BRD4: variants seen among roughly 807,000 people sequenced by gnomAD.
BRD4 encodes the protein bromodomain-containing protein 4.
Under a neutral mutation model 142.1 loss-of-function variants are expected in BRD4, and 16 were observed. That is an observed-to-expected ratio of 0.11 (90% confidence interval 0.08 to 0.17). The LOEUF (loss-of-function observed/expected upper bound fraction) is 0.17, where lower values mean the gene tolerates loss of function less well. Among genes scored for constraint, BRD4 ranks in the 10% least tolerant of loss-of-function variants. The pLI is 1.00. For synonymous variants in BRD4, 833 were observed against 707.5 expected, an observed-to-expected ratio of 1.18 and a Z score of -2.82; for missense variants, 1,424 against 1,810.9, an observed-to-expected ratio of 0.79 and a Z score of 3.88.
Position 15,237,250 on chromosome 19 carries a change from G to GC in BRD4, c.*1126_*1127insG, listed in dbSNP as rs1555734337. On this transcript the variant is annotated 3_prime_UTR_variant, in exon 20 of 20. Transcript: ENST00000679869. ...CAAAAAAGCCAACAAATGGGTGGGGGGGGGGGGGGTGGAGGGGAAAGAAAA... is the reference window on the plus strand; with the variant it reads ...CAAAAAAGCCAACAAATGGGTGGGGGCGGGGGGGGGTGGAGGGGAAAGAAAA... 3.3e-5 allele frequency: 4 copies of GC among 122,406 alleles called. No individual in the cohort carries two copies. The East Asian group carries it at 5.1e-4, about 16-fold the overall frequency. 7.6% of individuals were successfully genotyped at this position (122,406 alleles called of 1,614,324 possible).
At chr19:15,267,275 C>A (rs995849738) in intron 4 of BRD4, 141 bp downstream of exon 4, 4 of 1,133,626 alleles carry the variant, frequency 3.5e-6, no homozygotes, top group African/African-American at 1.6e-5. Context: ...AACACCAAAC[C>A]CAATCTCACA....
intron 11 of BRD4, chr19:15,248,362 A>G: frequency 9.3e-6 from 2 of 215,304 alleles, no homozygotes. Flanking sequence ...TCCATGGGGC[A>G]GTCCCTGAGG....
intron 1 of BRD4, among the ~76,000 whole-genome samples, chr19:15,294,744 C>T (rs531902381): frequency 2.0e-5 from 3 of 152,252 alleles, no homozygotes; most frequent in African/African-American, 4.8e-5. Flanking sequence ...TGAACAGAAT[C>T]GCTATCTCCT....
At chr19:15,302,614 A>G (rs985067613) in intron 1 of BRD4, among the ~76,000 whole-genome samples, 4 of 125,896 alleles carry the variant, frequency 3.2e-5, no homozygotes, top group Non-Finnish European at 6.3e-5. Context: ...AGTTGCAGTG[A>G]GCTGAGATCG....
At chr19:15,298,698 GAA>G (rs1307773596) in intron 1 of BRD4, among the ~76,000 whole-genome samples, 1 of 137,932 alleles carries the variant, frequency 7.2e-6, no homozygotes, top group African/African-American at 2.7e-5. Flanking sequence ...ACCCCACCCT[GAA>G]AAAGAGATGA....
At chr19:15,308,825 C>T (rs890378265) in intron 1 of BRD4, among the ~76,000 whole-genome samples, 3 of 147,454 alleles carry the variant, frequency 2.0e-5, no homozygotes, top group African/African-American at 7.6e-5. Flanking sequence ...ACCAGCCTGC[C>T]CAGCATGGTG....
intron 1 of BRD4, among the ~76,000 whole-genome samples, chr19:15,322,860 C>A (rs1207725146): frequency 4.0e-5 from 5 of 124,266 alleles, no homozygotes; most frequent in Non-Finnish European, 6.5e-5. Context: ...GAGAGAGACT[C>A]TGTCTCCAAA....
At chr19:15,289,948 C>T (rs1470527381) in intron 1 of BRD4, among the ~76,000 whole-genome samples, 4 of 152,198 alleles carry the variant, frequency 2.6e-5, no homozygotes, top group East Asian at 1.9e-4. Context: ...GGCTTTCCAA[C>T]GAAGCAGCCT....
intron 11 of BRD4, 171 bp from the exon 12 acceptor site, chr19:15,244,933 A>C: frequency 8.3e-7 from 1 of 1,208,162 alleles, no homozygotes; most frequent in South Asian, 1.5e-5. Flanking sequence ...AGAGGGAGAG[A>C]CATGCGAGGC....
chr19:15,268,841 C>T (rs1378401146), intron 3 of BRD4, 64 bp downstream of exon 3: 5 of 1,586,590 alleles, frequency 3.2e-6, no homozygotes, highest in East Asian at 4.5e-5. Flanking sequence ...TCCTGACATG[C>T]CCACTGCCGT....
At chr19:15,291,546 T>A (rs1313887451) in intron 1 of BRD4, among the ~76,000 whole-genome samples, 1 of 152,222 alleles carries the variant, frequency 6.6e-6, no homozygotes, top group Non-Finnish European at 1.5e-5. Flanking sequence ...TAATCTCTTC[T>A]CATTGCCTCC....
intron 4 of BRD4, among the ~76,000 whole-genome samples, chr19:15,266,141 C>G (rs770772711): frequency 2.4e-4 from 37 of 152,222 alleles, no homozygotes; most frequent in Non-Finnish European, 2.4e-4. Context: ...TCATGACTGG[C>G]TCGAGCGCTG....
chr19:15,239,183 A>T lies in BRD4; in HGVS notation c.3658T>A (p.Ser1220Thr). Residue 1220 changes from serine (S) to threonine (T), a missense_variant, in exon 18 of 20, where the codon TCC becomes ACC. Around this residue, in one of 16 missense-constraint regions of BRD4, gnomAD observed 49 missense variants for 97.3 expected, o/e 0.50. Transcript: ENST00000679869. This position sits in a 1 kb window ranked among gnomAD's most constrained non-coding sequence, Gnocchi z 7.4. ...CGGAACTGCTCGAAGCTGTCGCTGG[A>T]TGACTTGGCTGTGGAGGAGGGGGTG... ...PTTPSSTAKSSSDSFEQFRRA... is the reference protein window; with the variant it reads ...PTTPSSTAKSTSDSFEQFRRA... The T allele has an allele frequency of 2.5e-6, 4 of 1,613,244 alleles. No individual in the cohort carries two copies. Among genetic ancestry groups the T allele is most frequent in the Non-Finnish European group, 3.4e-6 (4 of 1,180,018 alleles).
intron 1 of BRD4, among the ~76,000 whole-genome samples, chr19:15,284,940 C>A (rs1025241653): frequency 4.6e-5 from 7 of 152,238 alleles, no homozygotes; most frequent in African/African-American, 1.4e-4. Context: ...CCAACTCTTA[C>A]ACTGACAGGC....
chr19:15,257,776 C>T (rs1568385071), intron 7 of BRD4, among the ~76,000 whole-genome samples: 1 of 152,198 alleles, frequency 6.6e-6, no homozygotes, highest in South Asian at 2.1e-4. Context: ...CTGGAGGAGG[C>T]ATCTCCAGCA....
intron 11 of BRD4, among the ~76,000 whole-genome samples, chr19:15,246,237 G>A (rs374197701): frequency 2.0e-5 from 3 of 152,198 alleles, no homozygotes; most frequent in East Asian, 3.9e-4. Context: ...AGCTTGAGTA[G>A]ATTTGCAGTG....
intron 5 of BRD4, 61 bp downstream of exon 5, chr19:15,265,293 G>T: frequency 7.1e-7 from 1 of 1,413,220 alleles, no homozygotes; most frequent in Non-Finnish European, 9.4e-7. Flanking sequence ...GTAAAGCACG[G>T]GCAAGGACAG....
At position 15,264,705 on chromosome 19, in the gene BRD4, T is replaced by G. The variant is rs1179411742; in HGVS notation, c.911A>C (p.His304Pro). Residue 304 changes from histidine to proline, a missense_variant, in exon 6 of 20, where the codon CAC becomes CCC. Physicochemically the swap from His to Pro is moderately conservative, Grantham distance 77. Coordinates refer to ENST00000679869, the MANE Select transcript of BRD4 (RefSeq NM_001379291.1). ...CTCCGGGGGCAGCGAGGGTGGCTCG[T>G]GAATGGGGTCAATGGTGGTGGGGGT... ...TTTPTTIDPIHEPPSLPPEPK... is the reference protein window; with the variant it reads ...TTTPTTIDPIPEPPSLPPEPK... 6.2e-7 allele frequency: 1 copy of G among 1,613,034 alleles called. No individual in the cohort carries two copies. The highest frequency in any genetic ancestry group is 8.5e-7 in the Non-Finnish European group (1 of 1,179,998).
intron 11 of BRD4, chr19:15,247,086 T>C: frequency 4.9e-6 from 1 of 205,000 alleles, no homozygotes. Context: ...CATGACAATC[T>C]TCAACTCAAC....
Sources: gnomAD v4.1 joint callset for allele counts (sites outside exome capture counted in the v4.1 genomes callset) on GRCh38, gnomAD v4.1.1 for gene constraint, gnomAD v4.1.1 regional missense constraint, Gnocchi (gnomAD v3.1) non-coding constraint, MANE v1.5 for transcripts, NCBI Gene and HGNC (gene_info 2026-07-23, HGNC 2026-07-21) for gene names.